The following PTBP3 variants were observed in gnomAD, a reference collection of about 807,000 sequenced individuals.
PTBP3 encodes polypyrimidine tract-binding protein 3.
PTBP3 carries 20 observed loss-of-function variants against 58.7 expected under a neutral mutation model. The observed-to-expected ratio is 0.34, with a 90% CI of 0.24 to 0.50. PTBP3 has a LOEUF of 0.50. PTBP3 is among the 20% of genes least tolerant of loss of function. PTBP3 has a pLI of 0.98. For missense variants in PTBP3, 509 were observed against 637.2 expected (o/e 0.80, Z 2.17); for synonymous variants, 185 against 219.8 (o/e 0.84, Z 1.40).
chr9:112,341,288 T>C, the PTBP3 span, among the ~76,000 whole-genome samples: 3 of 152,034 alleles, frequency 2.0e-5, no homozygotes, highest in African/African-American at 4.8e-5. Context: ...CACACCACCA[T>C]GCCTGGCTAA....
At chr9:112,302,482 C>T (rs1828979411) in intron 1 of PTBP3, among the ~76,000 whole-genome samples, 1 of 151,520 alleles carries the variant, frequency 6.6e-6, no homozygotes, top group Non-Finnish European at 1.5e-5. Flanking sequence ...ATCTTAGAGA[C>T]ACTTGAGATT....
At chr9:112,351,826 G>A in the PTBP3 span, among the ~76,000 whole-genome samples, 1 of 152,050 alleles carries the variant, frequency 6.6e-6, no homozygotes, top group Non-Finnish European at 1.5e-5. Context: ...CATCAATGTG[G>A]GGGTTTTTTG....
At chr9:112,325,751 C>T (rs563738187) in intron 1 of PTBP3, among the ~76,000 whole-genome samples, 3 of 152,246 alleles carry the variant, frequency 2.0e-5, no homozygotes, top group South Asian at 2.1e-4. Context: ...TGGACAAGCA[C>T]GGTGGCTCAT....
At chr9:112,371,379 A>G in the PTBP3 span, among the ~76,000 whole-genome samples, 2 of 152,166 alleles carry the variant, frequency 1.3e-5, no homozygotes, top group Admixed American at 6.5e-5. Context: ...TGTTTTCTCA[A>G]TACTGGATTG....
At chr9:112,238,929 A>G (rs748617587) in intron 7 of PTBP3, among the ~76,000 whole-genome samples, 8 of 152,236 alleles carry the variant, frequency 5.3e-5, no homozygotes, top group Non-Finnish European at 7.3e-5. Context: ...CAGGCAGAAT[A>G]TAAGTGTTTT....
intron 11 of PTBP3, among the ~76,000 whole-genome samples, 176 bp from the exon 12 acceptor site, chr9:112,227,803 A>G (rs1564387807): frequency 6.6e-6 from 1 of 152,204 alleles, no homozygotes; most frequent in Non-Finnish European, 1.5e-5. Flanking sequence ...AAATGACTTC[A>G]TTTCACTATA....
Position 112,268,706 on chromosome 9 carries a change from C to T in PTBP3, c.205-511G>A, listed in dbSNP as rs1002491235. On this transcript the variant is annotated intron_variant, in intron 3 of 13. Coordinates refer to ENST00000374257, the MANE Select transcript of PTBP3 (RefSeq NM_001163788.4). Reference sequence around the variant, plus strand: ...CAGCATGGGTAACAGGAGTAAGACACCGTCTCAAAAAAAAAAAAAAAAAAA... The same window carrying T: ...CAGCATGGGTAACAGGAGTAAGACATCGTCTCAAAAAAAAAAAAAAAAAAA... 5.8e-5 allele frequency among the ~76,000 whole-genome samples: 7 copies of T among 119,852 alleles called. No homozygotes were observed. The Admixed American group carries it at 6.5e-4, about 11-fold the overall frequency. 78.6% of individuals were successfully genotyped at this position (119,852 alleles called of 152,430 possible). A position where few individuals can be genotyped will look rare whatever the true frequency, so the allele number is the denominator to read the frequency against.
At chr9:112,287,349 T>G (rs974338780) in intron 2 of PTBP3, among the ~76,000 whole-genome samples, 1 of 146,408 alleles carries the variant, frequency 6.8e-6, no homozygotes, top group African/African-American at 2.5e-5. Flanking sequence ...TTGTTTTTTT[T>G]TTTTTTTTGA....
At chr9:112,284,954 T>C (rs1186041793) in intron 2 of PTBP3, among the ~76,000 whole-genome samples, 3 of 43,518 alleles carry the variant, frequency 6.9e-5, no homozygotes, top group Admixed American at 2.6e-4. Context: ...CTTGGGACTT[T>C]TGGGTTATGT....
At chr9:112,325,597 A>AT (rs1328451912) in intron 1 of PTBP3, among the ~76,000 whole-genome samples, 49 of 56,372 alleles carry the variant, frequency 8.7e-4, no homozygotes, top group African/African-American at 4.5e-3. Context: ...TCTCACAGAA[A>AT]TTAAAAAAAA....
At position 112,283,855 on chromosome 9, in the gene PTBP3, T is replaced by C. The variant is rs185080461; in HGVS notation, c.35-7842A>G. Among the ~76,000 whole-genome samples the C allele has an allele frequency of 2.4e-3, 372 of 152,340 alleles. 2 individuals are homozygous for C. The highest frequency in any genetic ancestry group is 8.8e-3 in the African/African-American group (365 of 41,582). On this transcript the variant is annotated intron_variant, in intron 2 of 13. Transcript: ENST00000374257. ...TTGGTGCCCTGCATCCCAGCTGCTC[T>C]AGCTCCAGGAGTGGCTAAAAGGGGC...
chr9:112,352,095 T>A, the PTBP3 span, among the ~76,000 whole-genome samples: 3 of 152,080 alleles, frequency 2.0e-5, no homozygotes, highest in East Asian at 5.8e-4. Context: ...TTTTTAAATA[T>A]TTTTTTGTAG....
At chr9:112,367,862 G>T in the PTBP3 span, among the ~76,000 whole-genome samples, 9 of 152,172 alleles carry the variant, frequency 5.9e-5, no homozygotes, top group East Asian at 1.7e-3. Context: ...TTCTGTCATT[G>T]TTTCTTTAAA....
chr9:112,260,816 T>C (rs892309176), intron 5 of PTBP3, among the ~76,000 whole-genome samples: 2 of 152,194 alleles, frequency 1.3e-5, no homozygotes, highest in African/African-American at 4.8e-5. Flanking sequence ...GTGCTATAAC[T>C]GAAAGGCTGA....
intron 1 of PTBP3, among the ~76,000 whole-genome samples, chr9:112,306,135 A>C (rs999264743): frequency 6.6e-6 from 1 of 152,118 alleles, no homozygotes; most frequent in Non-Finnish European, 1.5e-5. Flanking sequence ...GGTTAAATAA[A>C]TATAACAAAA....
Position 112,219,107 on chromosome 9 carries a change from C to T in PTBP3, c.*4744G>A, listed in dbSNP as rs530986603. Reference sequence around the variant, plus strand: ...GGCCGCTCTGCACTGGTTCTTCTTTCAGAAAGGAGCTTGGGGAAAATGCAA... The same window carrying T: ...GGCCGCTCTGCACTGGTTCTTCTTTTAGAAAGGAGCTTGGGGAAAATGCAA... On this transcript the variant is annotated 3_prime_UTR_variant, in exon 14 of 14. Coordinates refer to ENST00000374257, the MANE Select transcript of PTBP3 (RefSeq NM_001163788.4). The T allele has an allele frequency of 6.5e-6, 1 of 152,710 alleles. No individual in the cohort carries two copies. The highest frequency in any genetic ancestry group is 2.4e-5 in the African/African-American group (1 of 41,550). The allele number at this position is 152,710 out of a possible 1,614,324, so 9.5% of individuals were successfully genotyped here.
chr9:112,320,095 T>C (rs988141089), intron 1 of PTBP3, among the ~76,000 whole-genome samples: 16 of 151,722 alleles, frequency 1.1e-4, no homozygotes, highest in Non-Finnish European at 4.4e-5. Context: ...ATCAATTGTT[T>C]AACATGGTGA....
rs117461669 is a variant in PTBP3, at chr9:112,258,227, T to C, written c.516+4208A>G. Among the ~76,000 whole-genome samples the C allele has an allele frequency of 3.7e-3, 564 of 152,316 alleles. 1 individual carries two copies. Among genetic ancestry groups the C allele is most frequent in the Middle Eastern group, 6.8e-3 (2 of 294 alleles). On this transcript the variant is annotated intron_variant, in intron 5 of 13. Transcript: ENST00000374257. ...CATGTATAACAGTACTCAGAAGTAA[T>C]GGATTACATGAGAACATCGTTATGA...
chr9:112,226,742 A>C (rs573936292), intron 12 of PTBP3, among the ~76,000 whole-genome samples: 1 of 152,372 alleles, frequency 6.6e-6, no homozygotes, highest in East Asian at 1.9e-4. Context: ...GCTATATTAC[A>C]CGAAACTTTA....
Sources: allele counts gnomAD v4.1 joint callset (sites outside exome capture counted in the v4.1 genomes callset), GRCh38; gene constraint gnomAD v4.1.1; transcripts MANE v1.5; gene names NCBI Gene and HGNC (gene_info 2026-07-23, HGNC 2026-07-21).